The following FAM110B variants were observed in gnomAD, a reference collection of about 807,000 sequenced individuals.
FAM110B encodes the protein family with sequence similarity 110 member B.
Under a neutral mutation model 20.4 loss-of-function variants are expected in FAM110B, and 6 were observed. The ratio of observed to expected loss-of-function variants is 0.29; its 90% CI spans 0.16 to 0.58. The LOEUF is 0.58. Ranked by LOEUF, FAM110B falls within the 20% of genes least tolerant of loss-of-function variation. The pLI is 0.90. For synonymous variants in FAM110B, 226 were observed against 214.1 expected, an observed-to-expected ratio of 1.06 and a Z score of -0.49; for missense variants, 434 against 498.2, an observed-to-expected ratio of 0.87 and a Z score of 1.23.
rs978668408 is a variant in FAM110B, at chr8:58,147,788, G to C, written c.*445G>C. 1 of 178,820 alleles carries C rather than the reference G, an allele frequency of 5.6e-6. No homozygotes were observed. The highest frequency in any genetic ancestry group is 1.3e-5 in the Non-Finnish European group (1 of 74,894). The allele number at this position is 178,820 out of a possible 1,614,324, so 11.1% of individuals were successfully genotyped here. ...TCCAGTGGGACAGTAAATGGGATCT[G>C]CTACCAAACAGATAATGACTGACCG... On this transcript the variant is annotated 3_prime_UTR_variant, in exon 4 of 4. Coordinates refer to ENST00000519262, the MANE Select transcript of FAM110B (RefSeq NM_001377989.1).
intron 2 of FAM110B, among the ~76,000 whole-genome samples, chr8:58,047,007 G>C (rs577977509): frequency 6.6e-6 from 1 of 152,174 alleles, no homozygotes; most frequent in East Asian, 1.9e-4. Context: ...GTCGACAGCC[G>C]TAATGTTAAC....
rs1805862759 is a variant in FAM110B, at chr8:58,070,279, T to A, written c.-413-5256T>A. On this transcript the variant is annotated intron_variant, in intron 2 of 3. Transcript: ENST00000519262. ...GGTGGAGGTGCTCGGCTGGTAACGT[T>A]AAAGAAGGAATAAGGCGCCCGACAG... The A allele has an allele frequency of 2.0e-5, 3 of 152,210 alleles. 1 individual carries two copies. The highest frequency in any genetic ancestry group is 7.2e-5 in the African/African-American group (3 of 41,428). The allele number at this position is 152,210 out of a possible 1,614,324, so 9.4% of individuals were successfully genotyped here. A position where few individuals can be genotyped will look rare whatever the true frequency, so the allele number is the denominator to read the frequency against.
chr8:58,126,409 GC>G (rs1476194306), intron 3 of FAM110B, among the ~76,000 whole-genome samples: 1 of 152,168 alleles, frequency 6.6e-6, no homozygotes, highest in Non-Finnish European at 1.5e-5. Flanking sequence ...TGGAATAAAT[GC>G]CCAGGAGTGC....
intron 3 of FAM110B, among the ~76,000 whole-genome samples, chr8:58,086,116 C>G (rs73682137): frequency 0.021 from 3,132 of 152,276 alleles, 55 homozygotes; most frequent in South Asian, 0.083. Flanking sequence ...CACCTATGTA[C>G]AGTGGTCATG....
chr8:58,014,767 G>A (rs750971544), intron 1 of FAM110B, among the ~76,000 whole-genome samples: 2 of 151,832 alleles, frequency 1.3e-5, no homozygotes, highest in African/African-American at 2.4e-5. Context: ...TTGGTTTTGG[G>A]GTTATCGTTT....
chr8:57,998,469 T>C (rs1477473308), intron 1 of FAM110B, among the ~76,000 whole-genome samples: 2 of 152,234 alleles, frequency 1.3e-5, no homozygotes, highest in Admixed American at 6.5e-5. Context: ...TTTGGAAACA[T>C]TGAATCAAAT....
intron 2 of FAM110B, among the ~76,000 whole-genome samples, chr8:58,039,472 T>C (rs1300005307): frequency 6.6e-6 from 1 of 152,228 alleles, no homozygotes; most frequent in Non-Finnish European, 1.5e-5. Context: ...ACCAGCCATG[T>C]AGAAAAAGTC....
At chr8:58,049,932 A>T (rs1585842393) in intron 2 of FAM110B, among the ~76,000 whole-genome samples, 1 of 152,230 alleles carries the variant, frequency 6.6e-6, no homozygotes, top group Non-Finnish European at 1.5e-5. Flanking sequence ...TATACAGTAG[A>T]TAATTAGTAT....
chr8:58,104,999 CTTT>C (rs367979721), intron 3 of FAM110B, among the ~76,000 whole-genome samples: 1 of 136,236 alleles, frequency 7.3e-6, no homozygotes. Context: ...CCATTGCCTT[CTTT>C]TTTTTTTTTT....
chr8:58,038,867 T>A (rs970546197), intron 2 of FAM110B, among the ~76,000 whole-genome samples: 1 of 152,216 alleles, frequency 6.6e-6, no homozygotes, highest in African/African-American at 2.4e-5. Context: ...GAGAAGAGCT[T>A]GGCATTCAGG....
At chr8:58,018,919 A>G (rs1012339952) in intron 1 of FAM110B, among the ~76,000 whole-genome samples, 2 of 152,196 alleles carry the variant, frequency 1.3e-5, no homozygotes, top group Non-Finnish European at 2.9e-5. Context: ...AGAATCTTAC[A>G]ACTGTATATT....
chr8:58,089,768 G>A (rs1217386757), intron 3 of FAM110B, among the ~76,000 whole-genome samples: 3 of 152,200 alleles, frequency 2.0e-5, no homozygotes, highest in African/African-American at 7.2e-5. Flanking sequence ...TTTTGATCAG[G>A]AGATCATGTT....
intron 3 of FAM110B, among the ~76,000 whole-genome samples, chr8:58,083,351 G>C (rs1245253109): frequency 1.3e-5 from 2 of 152,190 alleles, no homozygotes; most frequent in Non-Finnish European, 2.9e-5. Flanking sequence ...AAGAACTTGG[G>C]TGAAACTTTA....
chr8:58,009,009 C>T (rs1053693592), intron 1 of FAM110B, among the ~76,000 whole-genome samples: 4 of 152,242 alleles, frequency 2.6e-5, no homozygotes, highest in African/African-American at 9.6e-5. Context: ...TCTCTGCTCT[C>T]TCTGCCTCTG....
chr8:58,028,684 G>T (rs1804903765), intron 1 of FAM110B, among the ~76,000 whole-genome samples: 1 of 152,158 alleles, frequency 6.6e-6, no homozygotes, highest in Non-Finnish European at 1.5e-5. Context: ...ACGGTTTCTA[G>T]AAAGGAGTAT....
At chr8:58,136,508 G>A (rs780083340) in intron 3 of FAM110B, among the ~76,000 whole-genome samples, 3 of 152,148 alleles carry the variant, frequency 2.0e-5, no homozygotes, top group Non-Finnish European at 4.4e-5. Context: ...TTTGGATAGG[G>A]CGGCATTCTT....
chr8:58,007,926 T>G (rs1013516436), intron 1 of FAM110B, among the ~76,000 whole-genome samples: 6 of 152,198 alleles, frequency 3.9e-5, no homozygotes, highest in African/African-American at 1.4e-4. Flanking sequence ...TATTTTCTTC[T>G]TTACATATTT....
At chr8:58,065,213 A>G (rs766920128) in intron 2 of FAM110B, among the ~76,000 whole-genome samples, 7 of 152,214 alleles carry the variant, frequency 4.6e-5, no homozygotes, top group Non-Finnish European at 1.0e-4. Flanking sequence ...GCAGAGATGC[A>G]TTAAAGGGCT....
In FAM110B at chr8:58,136,123, T is replaced by C. The variant is rs1385407264; in HGVS notation, c.-324-9784T>C. On this transcript the variant is annotated intron_variant, in intron 3 of 3. Transcript: ENST00000519262. ...GCCTCCCAGGCTCAAGCGATTTTCC[T>C]GCCTCAGCCTCCTGAGTAGCTGGGA... Among the ~76,000 whole-genome samples, 96 of 149,348 alleles carry C rather than the reference T, an allele frequency of 6.4e-4. 5 individuals carry two copies. Among genetic ancestry groups the C allele is most frequent in the Admixed American group, 6.8e-5 (1 of 14,790 alleles).
Sources: gnomAD v4.1 joint callset for allele counts (sites outside exome capture counted in the v4.1 genomes callset) on GRCh38, gnomAD v4.1.1 for gene constraint, MANE v1.5 for transcripts, NCBI Gene and HGNC (gene_info 2026-07-23, HGNC 2026-07-21) for gene names.